The following ZNRF3 variants were observed in gnomAD, a reference collection of about 807,000 sequenced individuals.
ZNRF3 encodes zinc and ring finger 3, also known as E3 ubiquitin-protein ligase ZNRF3.
A neutral mutation model predicts 72.5 loss-of-function variants in ZNRF3; 23 were observed. That is an observed-to-expected ratio of 0.32 (90% CI 0.23 to 0.45). The LOEUF (loss-of-function observed/expected upper bound fraction) is 0.45, where lower values mean the gene tolerates loss of function less well. ZNRF3 is among the 20% of genes least tolerant of loss of function. The probability of loss-of-function intolerance (pLI) is 1.00; values close to 1 mark genes in which losing one functional copy is unlikely to be tolerated. For missense variants in ZNRF3, 1,169 were observed against 1,272.1 expected, an observed-to-expected ratio of 0.92 and a Z score of 1.23; for synonymous variants, 610 against 545.3, an observed-to-expected ratio of 1.12 and a Z score of -1.65.
At chr22:28,972,054 A>G (rs541384400) in intron 1 of ZNRF3, among the ~76,000 whole-genome samples, 3 of 152,116 alleles carry the variant, frequency 2.0e-5, no homozygotes, top group African/African-American at 4.8e-5. Context: ...TTGCCTCACT[A>G]TATTTTTCCT....
chr22:29,021,955 C>G (rs138416785), intron 2 of ZNRF3, among the ~76,000 whole-genome samples: 1 of 152,152 alleles, frequency 6.6e-6, no homozygotes, highest in East Asian at 1.9e-4. Flanking sequence ...ATATATGTCA[C>G]TCCCCCCACA....
At chr22:29,047,484 G>A (rs2037097302) in intron 6 of ZNRF3, among the ~76,000 whole-genome samples, 1 of 152,224 alleles carries the variant, frequency 6.6e-6, no homozygotes, top group South Asian at 2.1e-4. Context: ...ACTGTTGGAT[G>A]GAAATGGAAT....
Position 29,050,390 on chromosome 22 carries a change from C to T in ZNRF3, c.2209C>T (p.Pro737Ser). ...AAGSSTLFLGPHLYEGSGPAG... is the reference protein window; with the variant it reads ...AAGSSTLFLGSHLYEGSGPAG... ...TGGCAGCAGCACCTTGTTCCTGGGG[C>T]CCCACCTCTACGAGGGCTCTGGCCC... Residue 737 changes from proline to serine, a missense_variant, in exon 8 of 9, where the codon CCC becomes TCC. Physicochemically the swap from Pro to Ser is moderately conservative, Grantham distance 74 (BLOSUM62 -1). This residue lies in a region of ZNRF3 where 783 missense variants were observed against 731.4 expected (regional missense o/e 1.07). Transcript: ENST00000544604. 3.7e-6 allele frequency: 6 copies of T among 1,604,606 alleles called. No individual in the cohort carries two copies. The highest frequency in any genetic ancestry group is 5.1e-6 in the Non-Finnish European group (6 of 1,174,736).
At chr22:28,940,076 A>G (rs887047203) in intron 1 of ZNRF3, among the ~76,000 whole-genome samples, 1 of 152,210 alleles carries the variant, frequency 6.6e-6, no homozygotes, top group African/African-American at 2.4e-5. Context: ...CAGCAGGCCT[A>G]TGTCTTGTGT....
At chr22:28,890,356 C>T (rs574900261) in intron 1 of ZNRF3, among the ~76,000 whole-genome samples, 11 of 152,150 alleles carry the variant, frequency 7.2e-5, no homozygotes, top group Admixed American at 3.9e-4. Context: ...AAAAATTAGC[C>T]GGGCGTGGTG....
chr22:29,010,698 T>G (rs1409052122), intron 2 of ZNRF3, among the ~76,000 whole-genome samples: 1 of 152,122 alleles, frequency 6.6e-6, no homozygotes. Flanking sequence ...TGAGACAGAG[T>G]CTCACTCTGC....
intron 2 of ZNRF3, among the ~76,000 whole-genome samples, chr22:29,002,445 A>G (rs2036164286): frequency 6.6e-6 from 1 of 152,218 alleles, no homozygotes; most frequent in South Asian, 2.1e-4. Flanking sequence ...TTGAAACCTA[A>G]TGCTGTAGAA....
chr22:28,952,495 GTTT>G (rs11401088), intron 1 of ZNRF3, among the ~76,000 whole-genome samples: 1 of 141,834 alleles, frequency 7.1e-6, no homozygotes, highest in East Asian at 2.0e-4. Context: ...TCATTTCCAT[GTTT>G]TTTTTTTTTT....
At chr22:28,903,008 C>T (rs1210887926) in intron 1 of ZNRF3, among the ~76,000 whole-genome samples, 1 of 152,070 alleles carries the variant, frequency 6.6e-6, no homozygotes, top group Admixed American at 6.6e-5. Flanking sequence ...TGCTTAGTGC[C>T]TTTCTACTTG....
At chr22:28,941,276 A>G (rs2034942796) in intron 1 of ZNRF3, among the ~76,000 whole-genome samples, 1 of 151,990 alleles carries the variant, frequency 6.6e-6, no homozygotes, top group African/African-American at 2.4e-5. Flanking sequence ...GAGTAGTGCA[A>G]ATTTGTATTT....
At chr22:29,033,570 G>T (rs79127726) in intron 2 of ZNRF3, among the ~76,000 whole-genome samples, 3,962 of 152,240 alleles carry the variant, frequency 0.026, 75 homozygotes, top group African/African-American at 0.058. Flanking sequence ...GGTGGGCTGG[G>T]CTGAGGAGCC....
intron 1 of ZNRF3, among the ~76,000 whole-genome samples, chr22:28,962,183 C>T (rs894869722): frequency 6.6e-6 from 1 of 152,190 alleles, no homozygotes; most frequent in Non-Finnish European, 1.5e-5. Flanking sequence ...TGCTCAATAG[C>T]AACATGTGGC....
At chr22:29,005,476 GAA>G (rs1457619975) in intron 2 of ZNRF3, among the ~76,000 whole-genome samples, 2 of 152,320 alleles carry the variant, frequency 1.3e-5, no homozygotes, top group Middle Eastern at 3.4e-3. Flanking sequence ...CCCCTTGTAG[GAA>G]AAGAGATGAG....
intron 1 of ZNRF3, among the ~76,000 whole-genome samples, chr22:28,969,845 T>C (rs994612954): frequency 6.6e-6 from 1 of 151,830 alleles, no homozygotes; most frequent in African/African-American, 2.4e-5. Flanking sequence ...AGAGGAGAAG[T>C]GAAGGGGGCT....
At chr22:28,937,200 TA>T (rs2034844706) in intron 1 of ZNRF3, among the ~76,000 whole-genome samples, 6 of 2,848 alleles carry the variant, frequency 2.1e-3, no homozygotes, top group Non-Finnish European at 3.7e-3. Context: ...TATATATATA[TA>T]TATATATATA....
chr22:28,993,780 T>C (rs1442190483), intron 2 of ZNRF3, among the ~76,000 whole-genome samples: 1 of 152,176 alleles, frequency 6.6e-6, no homozygotes, highest in Non-Finnish European at 1.5e-5. Context: ...ACTCCCGGGC[T>C]CAAGTAATCC....
intron 1 of ZNRF3, among the ~76,000 whole-genome samples, chr22:28,967,790 T>A (rs1244781096): frequency 2.6e-5 from 4 of 151,796 alleles, no homozygotes; most frequent in Admixed American, 1.3e-4. Context: ...CCAGGCATAA[T>A]GACACACACC....
chr22:28,981,156 C>A (rs182823631), intron 1 of ZNRF3, among the ~76,000 whole-genome samples: 22 of 152,336 alleles, frequency 1.4e-4, no homozygotes, highest in African/African-American at 5.3e-4. Flanking sequence ...GCCTATATGT[C>A]GCTGGCTAGT....
chr22:28,999,163 C>CAAAAAAAAAAAAAAAA (rs10601140), intron 2 of ZNRF3, among the ~76,000 whole-genome samples: 1 of 63,448 alleles, frequency 1.6e-5, no homozygotes, highest in African/African-American at 4.2e-5. Context: ...AATAAAAATA[C>CAAAAAAAAAAAAAAAA]AAAAAAAAAA....
Sources: allele counts gnomAD v4.1 joint callset (sites outside exome capture counted in the v4.1 genomes callset), GRCh38; gene constraint gnomAD v4.1.1; regional missense constraint gnomAD v4.1.1; transcripts MANE v1.5; gene names NCBI Gene and HGNC (gene_info 2026-07-23, HGNC 2026-07-21).